The following MGRN1 variants were observed in gnomAD, a reference collection of about 807,000 sequenced individuals.
The protein encoded by MGRN1 is E3 ubiquitin-protein ligase MGRN1.
In MGRN1, 29 loss-of-function variants were observed where a neutral mutation model predicts 69.2. The ratio of observed to expected loss-of-function variants is 0.42; its 90% CI spans 0.31 to 0.57. The LOEUF (loss-of-function observed/expected upper bound fraction) is 0.57, where lower values mean the gene tolerates loss of function less well. MGRN1 is among the 20% of genes least tolerant of loss of function. The probability of loss-of-function intolerance (pLI) is 0.15; values close to 1 mark genes in which losing one functional copy is unlikely to be tolerated. For missense variants in MGRN1, 998 were observed against 796.2 expected (o/e 1.25, Z -3.05); for synonymous variants, 470 against 344.2 (o/e 1.37, Z -4.04).
chr16:4,637,118 CAAAAAAAA>C (rs36033548), intron 1 of MGRN1, among the ~76,000 whole-genome samples: 92 of 48,488 alleles, frequency 1.9e-3, no homozygotes, highest in African/African-American at 4.9e-3. Flanking sequence ...GACTCCATCT[CAAAAAAAA>C]AAAAAAAAAA....
At chr16:4,669,988 C>A (rs1039412507) in intron 8 of MGRN1, among the ~76,000 whole-genome samples, 1 of 151,776 alleles carries the variant, frequency 6.6e-6, no homozygotes, top group Admixed American at 6.6e-5. Flanking sequence ...GCGCATAAGA[C>A]CTGTTTCAAG....
chr16:4,688,010 C>T lies in MGRN1; in HGVS notation c.1619-786C>T, dbSNP rs145088173. On this transcript the variant is annotated intron_variant, in intron 16 of 16. Coordinates refer to ENST00000262370, the MANE Select transcript of MGRN1 (RefSeq NM_015246.4). ...AATGTCACGATTCAGGTCAAGCTTC[C>T]GGAGCTGGGGAGTGCAGGTGTGATC... The T allele has an allele frequency of 3.7e-4, 363 of 985,578 alleles. No individual in the cohort carries two copies. The African/African-American group carries it at 5.0e-3, about 13-fold the overall frequency. The allele number at this position is 985,578 out of a possible 1,614,324, so 61.1% of individuals were successfully genotyped here.
chr16:4,689,934 T>C lies in MGRN1; in HGVS notation c.*1026T>C, dbSNP rs190805592. 1 of 152,236 alleles carries C rather than the reference T, an allele frequency of 6.6e-6. No homozygotes were observed. Among genetic ancestry groups the C allele is most frequent in the Non-Finnish European group, 1.5e-5 (1 of 68,028 alleles). 9.4% of individuals were successfully genotyped at this position (152,236 alleles called of 1,614,324 possible). A position where few individuals can be genotyped will look rare whatever the true frequency, so the allele number is the denominator to read the frequency against. ...GGTGCCTACCAGCATGCTCGGCTAA[T>C]TTTTTTGTATTTTTAGTAGAGAAGG... On this transcript the variant is annotated 3_prime_UTR_variant, in exon 17 of 17. Transcript: ENST00000262370.
At chr16:4,636,614 C>A (rs1898306704) in intron 1 of MGRN1, among the ~76,000 whole-genome samples, 1 of 152,066 alleles carries the variant, frequency 6.6e-6, no homozygotes, top group Non-Finnish European at 1.5e-5. Flanking sequence ...TGTCTGCAGG[C>A]AAGAACAAGG....
At chr16:4,656,914 TAAATAAATA>T (rs1431907133) in intron 4 of MGRN1, among the ~76,000 whole-genome samples, 1 of 143,482 alleles carries the variant, frequency 7.0e-6, no homozygotes, top group Non-Finnish European at 1.5e-5. Flanking sequence ...AATAAATAAA[TAAATAAATA>T]AATAAACAAA....
chr16:4,681,185 G>A (rs2079174368), intron 12 of MGRN1, among the ~76,000 whole-genome samples: 1 of 152,166 alleles, frequency 6.6e-6, no homozygotes. Context: ...CTCTGGCATG[G>A]CTTTGCTCTG....
chr16:4,628,520 C>T (rs991901831), intron 1 of MGRN1, among the ~76,000 whole-genome samples: 9 of 152,046 alleles, frequency 5.9e-5, no homozygotes, highest in African/African-American at 2.2e-4. Flanking sequence ...CCTACCCCAA[C>T]CCCCACCCTC....
intron 13 of MGRN1, among the ~76,000 whole-genome samples, chr16:4,682,486 G>A (rs1381897655): frequency 1.3e-5 from 2 of 152,314 alleles, no homozygotes; most frequent in East Asian, 1.9e-4. Flanking sequence ...AGGAGGCAGC[G>A]CCAAAGCTCA....
intron 9 of MGRN1, among the ~76,000 whole-genome samples, chr16:4,673,292 C>T (rs907677820): frequency 6.6e-6 from 1 of 152,108 alleles, no homozygotes; most frequent in African/African-American, 2.4e-5. Flanking sequence ...GGCACAGACC[C>T]TCCCCCTCTG....
At chr16:4,644,269 G>A (rs2078227334) in intron 1 of MGRN1, among the ~76,000 whole-genome samples, 1 of 150,952 alleles carries the variant, frequency 6.6e-6, no homozygotes, top group South Asian at 2.1e-4. Context: ...TGGGTTTACA[G>A]GTGTTAGCCA....
At chr16:4,646,630 C>G (rs1429305998) in intron 1 of MGRN1, among the ~76,000 whole-genome samples, 1 of 152,132 alleles carries the variant, frequency 6.6e-6, no homozygotes, top group Non-Finnish European at 1.5e-5. Context: ...AAGCCACACA[C>G]CATCATTTTC....
intron 11 of MGRN1, 52 bp from the exon 12 acceptor site, chr16:4,679,980 C>A: frequency 1.3e-6 from 2 of 1,561,998 alleles, no homozygotes; most frequent in African/African-American, 1.4e-5. Flanking sequence ...CAGCCCACTC[C>A]AGGGCCGCGT....
intron 1 of MGRN1, chr16:4,634,902 A>G (rs1417227505): frequency 6.6e-6 from 1 of 152,178 alleles, no homozygotes; most frequent in Non-Finnish European, 1.5e-5. Context: ...AGAAGGTTGC[A>G]TTGGCTCCCC....
At chr16:4,669,682 T>TCTC (rs1567219000) in intron 8 of MGRN1, among the ~76,000 whole-genome samples, 1 of 152,142 alleles carries the variant, frequency 6.6e-6, no homozygotes, top group South Asian at 2.1e-4. Context: ...TGCAACTCCT[T>TCTC]CTCCTCTTCC....
intron 1 of MGRN1, among the ~76,000 whole-genome samples, chr16:4,626,835 C>T (rs1427842408): frequency 6.6e-6 from 1 of 152,216 alleles, no homozygotes; most frequent in Admixed American, 6.5e-5. Flanking sequence ...TATTGGTTGG[C>T]ACTGGCACCC....
rs1408065675 is a variant in MGRN1 at position 4,689,917 on chromosome 16, C to G, written c.*1009C>G. On this transcript the variant is annotated 3_prime_UTR_variant, in exon 17 of 17. Coordinates refer to ENST00000262370, the MANE Select transcript of MGRN1 (RefSeq NM_015246.4). ...AGTAGCTGGGGATTACAGGTGCCTA[C>G]CAGCATGCTCGGCTAATTTTTTTGT... is the stretch of plus-strand genomic sequence containing the variant. The G allele has an allele frequency of 1.3e-5, 2 of 152,176 alleles. No individual in the cohort carries two copies. Among genetic ancestry groups the G allele is most frequent in the African/African-American group, 4.8e-5 (2 of 41,420 alleles). 9.4% of individuals were successfully genotyped at this position (152,176 alleles called of 1,614,324 possible).
rs978826299 is a variant in MGRN1 at position 4,664,787 on chromosome 16, C to G, written c.628+12C>G. On this transcript the variant is annotated intron_variant, in intron 6 of 16. Transcript: ENST00000262370. Reference sequence around the variant, plus strand: ...GGACGAAGGAGATGGTGAGTGCGTCCTCTTCCGTCCTCCTGGGCGTGCAGG... The same window carrying G: ...GGACGAAGGAGATGGTGAGTGCGTCGTCTTCCGTCCTCCTGGGCGTGCAGG... 6.2e-7 allele frequency: 1 copy of G among 1,614,044 alleles called. No individual in the cohort carries two copies. Among genetic ancestry groups the G allele is most frequent in the Non-Finnish European group, 8.5e-7 (1 of 1,179,874 alleles).
intron 11 of MGRN1, 152 bp downstream of exon 11, chr16:4,677,724 G>C (rs1266743316): frequency 5.5e-6 from 4 of 733,688 alleles, no homozygotes; most frequent in South Asian, 1.8e-5. Context: ...AGGCATGAAG[G>C]GGGTGGCCAG....
At chr16:4,687,531 C>G (rs1452692025) in intron 16 of MGRN1, 1 of 971,768 alleles carries the variant, frequency 1.0e-6, no homozygotes, top group Non-Finnish European at 1.2e-6. Flanking sequence ...TACACACACA[C>G]CCACCCACCC....
Sources: allele counts gnomAD v4.1 joint callset (sites outside exome capture counted in the v4.1 genomes callset), GRCh38; gene constraint gnomAD v4.1.1; transcripts MANE v1.5; gene names NCBI Gene and HGNC (gene_info 2026-07-23, HGNC 2026-07-21).